Variants in SREBF1 observed in about 807,000 individuals in gnomAD.
SREBF1 encodes the protein sterol regulatory element-binding protein 1.
SREBF1 carries 45 observed loss-of-function variants against 100.1 expected under a neutral mutation model. The observed-to-expected ratio is 0.45, with a 90% CI of 0.35 to 0.58. The LOEUF is 0.58. Ranked by LOEUF, SREBF1 falls within the 20% of genes least tolerant of loss-of-function variation. SREBF1 has a pLI of 0.00. For synonymous variants in SREBF1, 657 were observed against 681.8 expected, an observed-to-expected ratio of 0.96 and a Z score of 0.57; for missense variants, 1,324 against 1,539.4, an observed-to-expected ratio of 0.86 and a Z score of 2.34.
In SREBF1 at chr17:17,811,476, C is replaced by T. The variant is rs1188308560; in HGVS notation, c.*1146G>A. ...AAATCTGCAGCCCGTGGATTCCGAC[C>T]AGATTCAGCTGGGAGCCGGGCCAGG... On this transcript the variant is annotated 3_prime_UTR_variant, in exon 19 of 19. Coordinates refer to ENST00000261646, the MANE Select transcript of SREBF1 (RefSeq NM_004176.5). The T allele has an allele frequency of 8.5e-6, 2 of 234,280 alleles. No individual in the cohort carries two copies. Among genetic ancestry groups the T allele is most frequent in the Non-Finnish European group, 1.7e-5 (2 of 120,020 alleles). The allele number at this position is 234,280 out of a possible 1,614,324, so 14.5% of individuals were successfully genotyped here.
chr17:17,820,280 C>T lies in SREBF1; in HGVS notation c.333G>A (p.Pro111=), dbSNP rs375059574. Residue 111 remains proline (P), a synonymous_variant, in exon 2 of 19, where the codon CCG becomes CCA. Transcript: ENST00000261646. ...QPAPTPLKMY[P]SMPAFSPGPG... is the part of the protein sequence containing the mutation. The stretch of plus-strand genomic sequence containing the variant: ...GCCCAGGGGAGAAAGCGGGCATGGA[C>T]GGGTACATCTTCAATGGAGTGGGTG... 97 of 1,613,700 alleles carry T rather than the reference C, an allele frequency of 6.0e-5. No individual in the cohort carries two copies. The highest frequency in any genetic ancestry group is 9.3e-5 in the African/African-American group (7 of 74,888).
intron 18 of SREBF1, 27 bp from the exon 19 acceptor site, chr17:17,812,878 T>C: frequency 6.8e-7 from 1 of 1,470,148 alleles, no homozygotes; most frequent in South Asian, 1.3e-5. Flanking sequence ...GTGTCAGGGA[T>C]GGGTCTCAAG....
At chr17:17,815,805 G>T in intron 12 of SREBF1, 55 bp downstream of exon 12, 1 of 1,556,362 alleles carries the variant, frequency 6.4e-7, no homozygotes, top group East Asian at 2.3e-5. Context: ...CAAGGGACAG[G>T]ACAGGAATGA....
chr17:17,832,699 T>A (rs1377876936), intron 1 of SREBF1, among the ~76,000 whole-genome samples: 1 of 151,944 alleles, frequency 6.6e-6, no homozygotes, highest in African/African-American at 2.4e-5. Flanking sequence ...GGCGGGCAGA[T>A]CATGAGGTCA....
At chr17:17,826,974 T>C (rs73297859) in intron 1 of SREBF1, among the ~76,000 whole-genome samples, 8,093 of 152,248 alleles carry the variant, frequency 0.053, 742 homozygotes, top group African/African-American at 0.18. Context: ...TCTGACAATA[T>C]CTACTGTGTG....
intron 11 of SREBF1, 30 bp from the exon 12 acceptor site, chr17:17,816,058 T>A: frequency 6.2e-7 from 1 of 1,607,390 alleles, no homozygotes; most frequent in Non-Finnish European, 8.5e-7. Context: ...GCTGTCACAG[T>A]GGACACAGCC....
chr17:17,829,205 A>AAAAAAAAAAAAAAATAT (rs1210718799), intron 1 of SREBF1, among the ~76,000 whole-genome samples: 16 of 65,834 alleles, frequency 2.4e-4, no homozygotes, highest in African/African-American at 1.2e-3. Context: ...AAAAAAAAAA[A>AAAAAAAAAAAAAAATAT]ATATATATAT....
intron 1 of SREBF1, among the ~76,000 whole-genome samples, chr17:17,828,212 A>C (rs1000368498): frequency 6.6e-6 from 1 of 152,164 alleles, no homozygotes; most frequent in African/African-American, 2.4e-5. Flanking sequence ...GAACACCACA[A>C]GCTATTGAAG....
chr17:17,813,011 C>A, intron 18 of SREBF1, 160 bp from the exon 19 acceptor site: 1 of 655,076 alleles, frequency 1.5e-6, no homozygotes, highest in Non-Finnish European at 2.6e-6. Flanking sequence ...AGTCTCAGCC[C>A]ACACACAAAG....
At chr17:17,821,152 T>TACACACACACACAC (rs60948138) in intron 1 of SREBF1, among the ~76,000 whole-genome samples, 6 of 149,380 alleles carry the variant, frequency 4.0e-5, no homozygotes, top group African/African-American at 1.5e-4. Flanking sequence ...TCCACACACA[T>TACACACACACACAC]ACACACACAC....
chr17:17,824,541 G>A lies in SREBF1; in HGVS notation c.92-4020C>T, dbSNP rs1457714896. On this transcript the variant is annotated intron_variant, in intron 1 of 18. Transcript: ENST00000261646. The surrounding 1 kb of genome is among the most constrained non-coding windows in gnomAD (Gnocchi z 4.2). Reference sequence around the variant, plus strand: ...GGGTGACAGGCTCTAGGGTTCTTTTGAGGAGGTGCCTGGGCCTGTCTTCCC... The same window carrying A: ...GGGTGACAGGCTCTAGGGTTCTTTTAAGGAGGTGCCTGGGCCTGTCTTCCC... 2.6e-5 allele frequency among the ~76,000 whole-genome samples: 4 copies of A among 152,200 alleles called. No individual in the cohort carries two copies. The highest frequency in any genetic ancestry group is 9.7e-5 in the African/African-American group (4 of 41,432).
intron 4 of SREBF1, 33 bp downstream of exon 4, chr17:17,819,287 C>T (rs781591069): frequency 1.9e-6 from 3 of 1,613,556 alleles, no homozygotes; most frequent in Non-Finnish European, 2.5e-6. Flanking sequence ...GTGTGTAGAC[C>T]CCACTCCCTT....
intron 1 of SREBF1, among the ~76,000 whole-genome samples, chr17:17,831,859 C>T (rs940541117): frequency 2.0e-5 from 3 of 152,220 alleles, no homozygotes; most frequent in African/African-American, 7.2e-5. Context: ...GCTCCATCCC[C>T]AAATCCATTC....
intron 1 of SREBF1, among the ~76,000 whole-genome samples, chr17:17,830,156 C>T (rs1339314635): frequency 1.3e-5 from 2 of 152,234 alleles, no homozygotes; most frequent in Middle Eastern, 3.4e-3. Flanking sequence ...CTAAACCTAT[C>T]GCGTGCCAGG....
chr17:17,828,143 C>G (rs1020044120), intron 1 of SREBF1, among the ~76,000 whole-genome samples: 1 of 152,214 alleles, frequency 6.6e-6, no homozygotes, highest in African/African-American at 2.4e-5. Context: ...CCTCGTCTGC[C>G]TCCACCCCCA....
rs2033802036 is a variant in SREBF1 at position 17,818,245 on chromosome 17, A to ATATT, written c.1183+14_1183+15insAATA. The ATATT allele has an allele frequency of 1.2e-6, 2 of 1,608,700 alleles. No individual in the cohort carries two copies. The highest frequency in any genetic ancestry group is 4.5e-5 in the East Asian group (2 of 44,850). On this transcript the variant is annotated intron_variant, in intron 6 of 18. Coordinates refer to ENST00000261646, the MANE Select transcript of SREBF1 (RefSeq NM_004176.5). ...AGAAGAGGCCAGACTGGAGCTCAAT[A>ATATT]AAGCCAGGACTCACTGCTTTTGTGG... is the stretch of plus-strand genomic sequence containing the variant.
chr17:17,817,183 A>G lies in SREBF1; in HGVS notation c.1607-47T>C. 3.1e-6 allele frequency: 5 copies of G among 1,612,398 alleles called. No homozygotes were observed. Among genetic ancestry groups the G allele is most frequent in the Non-Finnish European group, 4.2e-6 (5 of 1,179,622 alleles). ...GGGACACAGCTCCCAGGAAATCCAG[A>G]GCCCCAAGTTCACAAGCCTGGGGGC... is the stretch of plus-strand genomic sequence containing the variant. On this transcript the variant is annotated intron_variant, in intron 8 of 18. Coordinates refer to ENST00000261646, the MANE Select transcript of SREBF1 (RefSeq NM_004176.5). The surrounding 1 kb of genome is among the most constrained non-coding windows in gnomAD (Gnocchi z 6.6).
At chr17:17,823,022 T>C (rs1444546492) in intron 1 of SREBF1, among the ~76,000 whole-genome samples, 1 of 152,234 alleles carries the variant, frequency 6.6e-6, no homozygotes, top group Non-Finnish European at 1.5e-5. Context: ...CCCATCCCTT[T>C]ACCCCAGTCC....
chr17:17,816,182 GCCCCCA>G lies in SREBF1; in HGVS notation c.2214+19_2214+24del. The stretch of plus-strand genomic sequence containing the variant: ...CCTCTGGAGAGAGCTGCAGGGATAA[GCCCCCA>G]GCCCCCCAACCCACTCACTGTCAGA... On this transcript the variant is annotated intron_variant, in intron 11 of 18. Coordinates refer to ENST00000261646, the MANE Select transcript of SREBF1 (RefSeq NM_004176.5). The G allele has an allele frequency of 1.2e-5, 1 of 81,148 alleles. No individual in the cohort carries two copies. Among genetic ancestry groups the G allele is most frequent in the Non-Finnish European group, 2.2e-5 (1 of 45,542 alleles). The allele number at this position is 81,148 out of a possible 1,614,324, so 5.0% of individuals were successfully genotyped here.
Sources: gnomAD v4.1 joint callset for allele counts (sites outside exome capture counted in the v4.1 genomes callset) on GRCh38, gnomAD v4.1.1 for gene constraint, Gnocchi (gnomAD v3.1) non-coding constraint, MANE v1.5 for transcripts, NCBI Gene and HGNC (gene_info 2026-07-23, HGNC 2026-07-21) for gene names.